Variants in ELK3 observed in about 807,000 individuals in gnomAD.
The protein encoded by ELK3 is ETS domain-containing protein Elk-3.
In ELK3, 10 loss-of-function variants were observed where a neutral mutation model predicts 28.9. The observed-to-expected ratio is 0.35, with a 90% CI of 0.21 to 0.59. The LOEUF is 0.59. Ranked by LOEUF, ELK3 falls within the 20% of genes least tolerant of loss-of-function variation. The pLI is 0.82. For synonymous variants in ELK3, 272 were observed against 243.5 expected, an observed-to-expected ratio of 1.12 and a Z score of -1.09; for missense variants, 463 against 517.3, an observed-to-expected ratio of 0.90 and a Z score of 1.02.
chr12:96,216,070 T>C (rs1951615393), intron 1 of ELK3, among the ~76,000 whole-genome samples: 1 of 152,224 alleles, frequency 6.6e-6, no homozygotes, highest in South Asian at 2.1e-4. Flanking sequence ...TCTCGGCCTC[T>C]CTACTCTGTG....
At position 96,194,694 on chromosome 12, in the gene ELK3, C is replaced by T. The variant is rs576070887; in HGVS notation, c.-14C>T. 566 of 150,978 alleles carry T rather than the reference C, an allele frequency of 3.7e-3. 5 individuals are homozygous for T. Among genetic ancestry groups the T allele is most frequent in the African/African-American group, 0.013 (543 of 41,380 alleles). 9.4% of individuals were successfully genotyped at this position (150,978 alleles called of 1,614,324 possible). ...TAGAAATTCCCCCCGAAGAAGACTC[C>T]CCCACATCTGGGTAGGTAACAGGGC... On this transcript the variant is annotated 5_prime_UTR_variant, in exon 1 of 5. Transcript: ENST00000228741.
In ELK3 at chr12:96,267,658, C is replaced by G. The variant is rs1014358553; in HGVS notation, c.*478C>G. 6.5e-6 allele frequency: 1 copy of G among 152,708 alleles called. No individual in the cohort carries two copies. Among genetic ancestry groups the G allele is most frequent in the African/African-American group, 2.4e-5 (1 of 41,432 alleles). 9.5% of individuals were successfully genotyped at this position (152,708 alleles called of 1,614,324 possible). A position where few individuals can be genotyped will look rare whatever the true frequency, so the allele number is the denominator to read the frequency against. The stretch of plus-strand genomic sequence containing the variant: ...ATGAAAATTAGTATCAAACAGCTCT[C>G]TAGTAGAATTTCATTATTTTTCACC... On this transcript the variant is annotated 3_prime_UTR_variant, in exon 5 of 5. Transcript: ENST00000228741.
In ELK3 at chr12:96,266,944, A is replaced by G. The variant is rs114199851; in HGVS notation, c.1126-138A>G. 990 of 578,042 alleles carry G rather than the reference A, an allele frequency of 1.7e-3. 9 individuals are homozygous for G. Among genetic ancestry groups the G allele is most frequent in the African/African-American group, 0.017 (893 of 52,870 alleles). The allele number at this position is 578,042 out of a possible 1,614,324, so 35.8% of individuals were successfully genotyped here. A position where few individuals can be genotyped will look rare whatever the true frequency, so the allele number is the denominator to read the frequency against. On this transcript the variant is annotated intron_variant, in intron 4 of 4. Transcript: ENST00000228741. ...ATTGTCATCTTCCAATTATTCTGTA[A>G]AATACATTGGCAACTAATCTCTATC...
chr12:96,221,333 G>A (rs1951659992), intron 1 of ELK3, among the ~76,000 whole-genome samples: 3 of 152,212 alleles, frequency 2.0e-5, no homozygotes. Flanking sequence ...TAAAATACAT[G>A]GATAGATGTT....
intron 4 of ELK3, 68 bp downstream of exon 4, chr12:96,259,921 A>G (rs1432456593): frequency 6.6e-7 from 1 of 1,508,086 alleles, no homozygotes; most frequent in Non-Finnish European, 8.9e-7. Context: ...TAAATCCTGC[A>G]GAGGTAACGG....
At chr12:96,196,709 A>G (rs958799925) in intron 1 of ELK3, among the ~76,000 whole-genome samples, 3 of 148,216 alleles carry the variant, frequency 2.0e-5, no homozygotes, top group African/African-American at 7.5e-5. Flanking sequence ...TGGCCTTTCT[A>G]TGCCAAATAT....
At chr12:96,232,299 G>A (rs1951747271) in intron 2 of ELK3, among the ~76,000 whole-genome samples, 1 of 152,120 alleles carries the variant, frequency 6.6e-6, no homozygotes, top group Admixed American at 6.6e-5. Context: ...GGCTGGGTGC[G>A]GTGGCTCACG....
intron 1 of ELK3, among the ~76,000 whole-genome samples, chr12:96,200,261 T>C (rs1329928311): frequency 6.6e-6 from 1 of 152,150 alleles, no homozygotes. Context: ...TGCAGTGCTA[T>C]AGAACACGAG....
At chr12:96,239,696 G>A (rs1419639525) in intron 2 of ELK3, among the ~76,000 whole-genome samples, 1 of 152,156 alleles carries the variant, frequency 6.6e-6, no homozygotes, top group African/African-American at 2.4e-5. Flanking sequence ...TTCCTGCCTC[G>A]GGTCTTGCTG....
chr12:96,213,111 G>A (rs2075362), intron 1 of ELK3, among the ~76,000 whole-genome samples: 44,915 of 151,998 alleles, frequency 0.3, 7,081 homozygotes, highest in East Asian at 0.61. Context: ...CTTCATATAA[G>A]GCATATACGA....
At chr12:96,266,489 ATCTTAT>A (rs1240181639) in intron 4 of ELK3, among the ~76,000 whole-genome samples, 4 of 152,012 alleles carry the variant, frequency 2.6e-5, no homozygotes, top group African/African-American at 9.7e-5. Context: ...CAATACAGAA[ATCTTAT>A]TCTTTGTCAC....
chr12:96,255,181 G>A (rs1004644246), intron 3 of ELK3, among the ~76,000 whole-genome samples: 1 of 152,126 alleles, frequency 6.6e-6, no homozygotes, highest in African/African-American at 2.4e-5. Flanking sequence ...GGTGGGAGGA[G>A]TGGGGAGAGC....
In ELK3 at chr12:96,267,316, C is replaced by T; in HGVS notation, c.*136C>T. ...TTGCACTTTTCATAACATGGATAGTCTAGATTTATGTTAGCATTTTAAAAA... is the reference window on the plus strand; with the variant it reads ...TTGCACTTTTCATAACATGGATAGTTTAGATTTATGTTAGCATTTTAAAAA... On this transcript the variant is annotated 3_prime_UTR_variant, in exon 5 of 5. Coordinates refer to ENST00000228741, the MANE Select transcript of ELK3 (RefSeq NM_005230.4). The T allele has an allele frequency of 1.5e-6, 1 of 647,274 alleles. No homozygotes were observed. Among genetic ancestry groups the T allele is most frequent in the Non-Finnish European group, 2.6e-6 (1 of 391,792 alleles). The allele number at this position is 647,274 out of a possible 1,614,324, so 40.1% of individuals were successfully genotyped here.
chr12:96,243,525 C>T (rs2137030444), intron 2 of ELK3, among the ~76,000 whole-genome samples: 1 of 152,084 alleles, frequency 6.6e-6, no homozygotes, highest in African/African-American at 2.4e-5. Context: ...GAGTTCAAGA[C>T]CAGCCTGGCC....
intron 4 of ELK3, among the ~76,000 whole-genome samples, chr12:96,260,829 G>A (rs1951987696): frequency 6.6e-6 from 1 of 152,194 alleles, no homozygotes; most frequent in Admixed American, 6.5e-5. Flanking sequence ...CTTACCCCAA[G>A]TTAGTTGCAG....
chr12:96,235,914 A>G (rs979512774), intron 2 of ELK3, among the ~76,000 whole-genome samples: 1 of 151,900 alleles, frequency 6.6e-6, no homozygotes, highest in Non-Finnish European at 1.5e-5. Flanking sequence ...TGCAACCTCT[A>G]CCTCCTGGGT....
At chr12:96,198,912 C>T (rs566146674) in intron 1 of ELK3, among the ~76,000 whole-genome samples, 1 of 152,322 alleles carries the variant, frequency 6.6e-6, no homozygotes, top group Non-Finnish European at 1.5e-5. Context: ...GAAATTATCA[C>T]ATAGAGCTTC....
intron 3 of ELK3, among the ~76,000 whole-genome samples, chr12:96,250,625 A>G (rs970734409): frequency 2.0e-5 from 3 of 152,170 alleles, no homozygotes; most frequent in Non-Finnish European, 2.9e-5. Flanking sequence ...GTGAAGGACA[A>G]CTGTGGGGTT....
chr12:96,233,587 C>T (rs1483595080), intron 2 of ELK3, among the ~76,000 whole-genome samples: 1 of 152,138 alleles, frequency 6.6e-6, no homozygotes, highest in African/African-American at 2.4e-5. Flanking sequence ...TTAAATTGGG[C>T]GTGCAATCAC....
Sources: allele counts gnomAD v4.1 joint callset (sites outside exome capture counted in the v4.1 genomes callset), GRCh38; gene constraint gnomAD v4.1.1; transcripts MANE v1.5; gene names NCBI Gene and HGNC (gene_info 2026-07-23, HGNC 2026-07-21).